The following ODF2L variants were observed in gnomAD, a reference collection of about 807,000 sequenced individuals.
The protein encoded by ODF2L is protein BCAP.
A neutral mutation model predicts 86.3 loss-of-function variants in ODF2L; 76 were observed. The ratio of observed to expected loss-of-function variants is 0.88; its 90% confidence interval spans 0.73 to 1.07. The LOEUF (loss-of-function observed/expected upper bound fraction) is 1.07. Ranked by LOEUF, ODF2L falls within the 50% of genes least tolerant of loss-of-function variation. The pLI, the probability that ODF2L is intolerant of heterozygous loss-of-function variation, is 0.00. For missense variants in ODF2L, 748 were observed against 717.4 expected (o/e 1.04, Z -0.49); for synonymous variants, 241 against 231.3 (o/e 1.04, Z -0.38).
At chr1:86,350,224 T>G (rs897551359) in exon 18 of ODF2L, 8 of 152,720 alleles carry the variant, frequency 5.2e-5, no homozygotes, top group African/African-American at 1.9e-4. Context: ...GTCATCTACA[T>G]TAGGAATTTC....
chr1:86,388,625 C>T (rs529870868), intron 1 of ODF2L, among the ~76,000 whole-genome samples: 1 of 151,750 alleles, frequency 6.6e-6, no homozygotes, highest in South Asian at 2.1e-4. Flanking sequence ...CATTAAAAGA[C>T]AAATGGTTCC....
chr1:86,382,163 T>C, intron 7 of ODF2L, 79 bp downstream of exon 7: 1 of 1,439,598 alleles, frequency 6.9e-7, no homozygotes, highest in Non-Finnish European at 9.1e-7. Context: ...CACCAAATTC[T>C]AGAACTAAGG....
chr1:86,372,187 CAAA>C (rs5775905), intron 9 of ODF2L, among the ~76,000 whole-genome samples: 2 of 116,374 alleles, frequency 1.7e-5, no homozygotes, highest in Admixed American at 9.2e-5. Context: ...GACTCCATCT[CAAA>C]AAAAAAAAAA....
In ODF2L at chr1:86,395,138, C is replaced by T. The variant is rs563288224; in HGVS notation, c.-60+895G>A. On this transcript the variant is annotated intron_variant, in intron 1 of 17. Transcript: ENST00000317336. ...GATTACAGGCGTGAGCCACCGCGCC[C>T]GGCCCGGTTTGTTTCTTTAACCTTA... Among the ~76,000 whole-genome samples the T allele has an allele frequency of 5.9e-5, 9 of 152,290 alleles. No homozygotes were observed. In the South Asian group the frequency reaches 1.9e-3, roughly 32 times the overall value.
chr1:86,380,320 G>T (rs1333022476), intron 7 of ODF2L, among the ~76,000 whole-genome samples: 3 of 152,032 alleles, frequency 2.0e-5, no homozygotes, highest in African/African-American at 7.2e-5. Context: ...AAGAGAAGGA[G>T]CAATACATTC....
chr1:86,371,133 T>C lies in ODF2L; in HGVS notation c.941A>G (p.Glu314Gly), dbSNP rs201911314. The stretch of plus-strand genomic sequence containing the variant: ...ATGGTCTTCCATTTTCTTCAGATCT[T>C]CCAAAAGATTAATGATTTGCCTTTA... The change falls in exon 10 of 18, where the codon GAA becomes GGA. Residue 314 changes from glutamate (E) to glycine (G), a missense_variant. By Grantham distance (98) the Glu-to-Gly change is moderately conservative. Transcript: ENST00000317336. The C allele has an allele frequency of 1.3e-4, 195 of 1,519,016 alleles. 1 individual carries two copies. Among genetic ancestry groups the C allele is most frequent in the Non-Finnish European group, 1.7e-4 (189 of 1,118,690 alleles). 94.1% of individuals were successfully genotyped at this position (1,519,016 alleles called of 1,614,324 possible).
chr1:86,360,454 TTC>T lies in ODF2L; in HGVS notation c.1224_1225del (p.Lys409AsnfsTer4). On this transcript the variant is annotated frameshift_variant, in exon 12 of 18. Transcript: ENST00000317336. LOFTEE classifies it high-confidence loss of function. ...AGTTTTATACATTTCAATAAGGGTT[TTC>T]TGTTTTTTTTCTACTTCTTGCAATT... is the stretch of plus-strand genomic sequence containing the variant. 3 of 1,571,364 alleles carry T rather than the reference TTC, an allele frequency of 1.9e-6. No individual in the cohort carries two copies. Among genetic ancestry groups the T allele is most frequent in the South Asian group, 2.2e-5 (2 of 88,942 alleles).
At chr1:86,359,241 T>C (rs1308272597) in intron 12 of ODF2L, among the ~76,000 whole-genome samples, 1 of 145,152 alleles carries the variant, frequency 6.9e-6, no homozygotes, top group Non-Finnish European at 1.5e-5. Flanking sequence ...CAAAATCTGC[T>C]AAAAAAAAAA....
chr1:86,381,614 G>A (rs1406824732), intron 7 of ODF2L, among the ~76,000 whole-genome samples: 8 of 149,604 alleles, frequency 5.3e-5, no homozygotes, highest in Non-Finnish European at 7.4e-5. Flanking sequence ...TGCCTTTGGC[G>A]GAAAAAAAAA....
chr1:86,391,509 A>G (rs1016667915), intron 1 of ODF2L, among the ~76,000 whole-genome samples: 2 of 152,204 alleles, frequency 1.3e-5, no homozygotes, highest in African/African-American at 4.8e-5. Context: ...TAGAGAACCC[A>G]GATATAAACC....
chr1:86,388,306 G>A (rs1451702686), intron 1 of ODF2L, among the ~76,000 whole-genome samples: 3 of 152,106 alleles, frequency 2.0e-5, no homozygotes, highest in African/African-American at 4.8e-5. Flanking sequence ...GAATATGCTC[G>A]GGATAAGTCA....
chr1:86,356,524 G>A, exon 14 of ODF2L: 1 of 1,614,018 alleles, frequency 6.2e-7, no homozygotes, highest in Non-Finnish European at 8.5e-7. Flanking sequence ...TGACACTCGT[G>A]AAGCCTCCGT....
chr1:86,360,009 T>C (rs1247043648), intron 12 of ODF2L, among the ~76,000 whole-genome samples: 1 of 152,228 alleles, frequency 6.6e-6, no homozygotes, highest in Non-Finnish European at 1.5e-5. Context: ...TCTTGGTCTT[T>C]CATGTGAATA....
chr1:86,380,954 C>CAA (rs145985651), intron 7 of ODF2L, among the ~76,000 whole-genome samples: 10 of 141,156 alleles, frequency 7.1e-5, no homozygotes, highest in Non-Finnish European at 1.2e-4. Context: ...GATTCATACT[C>CAA]AAAAAAAAAA....
intron 8 of ODF2L, among the ~76,000 whole-genome samples, chr1:86,372,974 G>A (rs1210708777): frequency 6.6e-6 from 1 of 152,120 alleles, no homozygotes; most frequent in African/African-American, 2.4e-5. Flanking sequence ...GGAGAAGGGA[G>A]GGAGGGAGGT....
chr1:86,383,163 T>G (rs768559612), exon 5 of ODF2L: 1 of 1,581,246 alleles, frequency 6.3e-7, no homozygotes, highest in South Asian at 1.2e-5. Flanking sequence ...TCAGTTAGAT[T>G]TTCTAGCAAC....
At chr1:86,381,623 AAAAG>A (rs1344204242) in intron 7 of ODF2L, among the ~76,000 whole-genome samples, 3 of 152,050 alleles carry the variant, frequency 2.0e-5, no homozygotes, top group African/African-American at 4.8e-5. Context: ...CGGAAAAAAA[AAAAG>A]AGTTACCTTA....
intron 4 of ODF2L, among the ~76,000 whole-genome samples, chr1:86,384,113 A>G (rs1033329374): frequency 6.6e-6 from 1 of 151,928 alleles, no homozygotes; most frequent in East Asian, 1.9e-4. Context: ...AAAAACTATT[A>G]CCTAATATTA....
At chr1:86,390,893 G>A (rs966687416) in intron 1 of ODF2L, among the ~76,000 whole-genome samples, 2 of 152,152 alleles carry the variant, frequency 1.3e-5, no homozygotes, top group East Asian at 1.9e-4. Context: ...AAGTCAAACC[G>A]TTGCTGTTTG....
Sources: allele counts gnomAD v4.1 joint callset (sites outside exome capture counted in the v4.1 genomes callset), GRCh38; gene constraint gnomAD v4.1.1; transcripts MANE v1.5; gene names NCBI Gene and HGNC (gene_info 2026-07-23, HGNC 2026-07-21).